Variants in SKOR2 observed in about 807,000 individuals in gnomAD.
The protein encoded by SKOR2 is SKI family transcriptional corepressor 2.
Under a neutral mutation model 69.1 loss-of-function variants are expected in SKOR2, and 47 were observed. The ratio of observed to expected loss-of-function variants is 0.68; its 90% CI spans 0.54 to 0.87. The LOEUF (loss-of-function observed/expected upper bound fraction) is 0.87. Ranked by LOEUF, SKOR2 falls within the 40% of genes least tolerant of loss-of-function variation. SKOR2 has a pLI of 0.00. For missense variants in SKOR2, 1,404 were observed against 1,472.2 expected, an observed-to-expected ratio of 0.95 and a Z score of 0.76; for synonymous variants, 717 against 672.6, an observed-to-expected ratio of 1.07 and a Z score of -1.02.
chr18:47,223,083 C>T (rs1428882903), intron 6 of SKOR2, among the ~76,000 whole-genome samples: 1 of 151,930 alleles, frequency 6.6e-6, no homozygotes, highest in East Asian at 1.9e-4. Context: ...GATTAAACTC[C>T]CCAAACATAA....
chr18:47,225,920 CCA>C (rs1420197800), intron 6 of SKOR2, among the ~76,000 whole-genome samples: 1 of 152,088 alleles, frequency 6.6e-6, no homozygotes, highest in Non-Finnish European at 1.5e-5. Context: ...CTTAGATATA[CCA>C]TGATACACAG....
chr18:47,245,421 A>C (rs1303333249), intron 3 of SKOR2, 77 bp downstream of exon 3: 3 of 1,308,684 alleles, frequency 2.3e-6, no homozygotes, highest in Non-Finnish European at 3.0e-6. Context: ...GTAGGTGAGG[A>C]GGCTGGGCAT....
rs141162442 is a variant in SKOR2, at chr18:47,247,705, C to G, written c.1479G>C (p.Ser493=). 5 of 1,363,054 alleles carry G rather than the reference C, an allele frequency of 3.7e-6. No individual in the cohort carries two copies. In the South Asian group the frequency reaches 7.1e-5, roughly 19 times the overall value. 84.4% of individuals were successfully genotyped at this position (1,363,054 alleles called of 1,614,324 possible). A position where few individuals can be genotyped will look rare whatever the true frequency, so the allele number is the denominator to read the frequency against. ...TTTCGCCTAGCGCGCAGCCTAGCGC[C>G]GAGGGCGGCTGAGGCGGGGGCTGCA... ...TYLQPPPQPP[S]ALGCALGESP... is the part of the protein sequence containing the mutation. The change falls in exon 2 of 9, where the codon TCG becomes TCC. Residue 493 remains serine (S), a synonymous_variant. Coordinates refer to ENST00000425639, the MANE Select transcript of SKOR2 (RefSeq NM_001278063.4). This position sits in a 1 kb window ranked among gnomAD's most constrained non-coding sequence, Gnocchi z 6.6.
intron 4 of SKOR2, among the ~76,000 whole-genome samples, chr18:47,236,163 A>G (rs1012567624): frequency 2.6e-5 from 4 of 151,598 alleles, no homozygotes; most frequent in African/African-American, 4.9e-5. Context: ...TTTTTTCTGT[A>G]TTTTTTTTGT....
rs556360473 is a variant in SKOR2 at position 47,248,066 on chromosome 18, C to T, written c.1118G>A (p.Gly373Glu). The change falls in exon 2 of 9, where the codon GGG becomes GAG. Residue 373 changes from glycine to glutamate, a missense_variant. Gly to Glu is a moderately conservative substitution (Grantham distance 98). Coordinates refer to ENST00000425639, the MANE Select transcript of SKOR2 (RefSeq NM_001278063.4). The surrounding 1 kb of genome is among the most constrained non-coding windows in gnomAD (Gnocchi z 6.4). ...GAGAGAGAGA[G>E]AKGPRSYPVI... ...TGGGTAGCTGCGCGGGCCTTTGGCC[C>T]CTGCCCCGGCACCCGCCCCCGCGCC... 201 of 1,412,576 alleles carry T rather than the reference C, an allele frequency of 1.4e-4. 1 individual carries two copies. In the African/African-American group the frequency reaches 2.8e-3, roughly 20 times the overall value. 87.5% of individuals were successfully genotyped at this position (1,412,576 alleles called of 1,614,324 possible).
intron 3 of SKOR2, 65 bp from the exon 4 acceptor site, chr18:47,245,047 A>AG: frequency 7.1e-7 from 1 of 1,407,136 alleles, no homozygotes; most frequent in South Asian, 1.3e-5. Flanking sequence ...ACAAAGATCC[A>AG]ATTTTTTTTT....
At chr18:47,210,046 C>G (rs1051299064) in intron 8 of SKOR2, among the ~76,000 whole-genome samples, 1 of 152,190 alleles carries the variant, frequency 6.6e-6, no homozygotes, top group Non-Finnish European at 1.5e-5. Context: ...CACTGCAACT[C>G]CAGTCTGGGT....
chr18:47,232,160 T>TA (rs1212371215), intron 4 of SKOR2, among the ~76,000 whole-genome samples: 6 of 151,002 alleles, frequency 4.0e-5, no homozygotes, highest in East Asian at 1.9e-4. Context: ...AAATAAAAAG[T>TA]AAAAAAAAAT....
chr18:47,235,149 C>T (rs1262986826), intron 4 of SKOR2, among the ~76,000 whole-genome samples: 1 of 152,054 alleles, frequency 6.6e-6, no homozygotes, highest in Non-Finnish European at 1.5e-5. Flanking sequence ...GTGCTTGAAC[C>T]CAGGAGTTTG....
Position 47,245,515 on chromosome 18 carries a change from T to C in SKOR2, c.2660A>G (p.Asp887Gly). 1 of 1,170,146 alleles carries C rather than the reference T, an allele frequency of 8.5e-7. No individual in the cohort carries two copies. Among genetic ancestry groups the C allele is most frequent in the South Asian group, 1.5e-5 (1 of 68,038 alleles). The allele number at this position is 1,170,146 out of a possible 1,614,324, so 72.5% of individuals were successfully genotyped here. A position where few individuals can be genotyped will look rare whatever the true frequency, so the allele number is the denominator to read the frequency against. ...ENNQVIVSTK[D>G]DNSFSDKNKE... ...TTTTTTACCTGAAAAGCTGTTGTCATCCTTTGTAGATACAATTACTTGGTT... is the reference window on the plus strand; with the variant it reads ...TTTTTTACCTGAAAAGCTGTTGTCACCCTTTGTAGATACAATTACTTGGTT... The change falls in exon 3 of 9, where the codon GAT becomes GGT. Residue 887 changes from aspartate to glycine, a missense_variant. By Grantham distance (94) the Asp-to-Gly change is moderately conservative (BLOSUM62 -1). This residue lies in a region of SKOR2 where 1,266 missense variants were observed against 1,309.9 expected (regional missense o/e 0.97). Coordinates refer to ENST00000425639, the MANE Select transcript of SKOR2 (RefSeq NM_001278063.4).
In SKOR2 at chr18:47,248,691, T is replaced by G. The variant is rs755762118; in HGVS notation, c.493A>C (p.Asn165His). 3.1e-5 allele frequency: 48 copies of G among 1,564,254 alleles called. No individual in the cohort carries two copies. The highest frequency in any genetic ancestry group is 3.9e-5 in the Non-Finnish European group (45 of 1,161,176). The change falls in exon 2 of 9, where the codon AAC becomes CAC. Residue 165 changes from asparagine (N) to histidine (H), a missense_variant. Physicochemically the swap from Asn to His is moderately conservative, Grantham distance 68. This residue lies in a region of SKOR2 where 1,266 missense variants were observed against 1,309.9 expected (regional missense o/e 0.97). Transcript: ENST00000425639. This position sits in a 1 kb window ranked among gnomAD's most constrained non-coding sequence, Gnocchi z 6.4. Reference protein sequence around the residue: ...CRGSFIPARYNSSRAKCIKCS... With the variant: ...CRGSFIPARYHSSRAKCIKCS... ...TTGATGCACTTGGCGCGCGAGCTGTTGTAGCGCGCGGGAATGAAGCTGCCG... is the reference window on the plus strand; with the variant it reads ...TTGATGCACTTGGCGCGCGAGCTGTGGTAGCGCGCGGGAATGAAGCTGCCG...
intron 8 of SKOR2, among the ~76,000 whole-genome samples, chr18:47,207,298 T>A (rs2064115982): frequency 6.6e-6 from 1 of 152,170 alleles, no homozygotes; most frequent in Middle Eastern, 3.2e-3. Flanking sequence ...TCAAAATCAA[T>A]AAAATGATTG....
intron 7 of SKOR2, among the ~76,000 whole-genome samples, chr18:47,216,770 C>T (rs1466241667): frequency 1.3e-5 from 2 of 152,054 alleles, no homozygotes; most frequent in Non-Finnish European, 2.9e-5. Context: ...TTCTCCTTGA[C>T]TGCAAGATAG....
At chr18:47,229,983 G>T (rs553447139) in intron 6 of SKOR2, among the ~76,000 whole-genome samples, 1 of 152,118 alleles carries the variant, frequency 6.6e-6, no homozygotes, top group Non-Finnish European at 1.5e-5. Flanking sequence ...AAAATAGATT[G>T]TGTATACTGA....
At position 47,245,548 on chromosome 18, in the gene SKOR2, T is replaced by C. The variant is rs1337936745; in HGVS notation, c.2627A>G (p.Lys876Arg). Residue 876 changes from lysine (K) to arginine (R), a missense_variant, in exon 3 of 9, where the codon AAG becomes AGG. Physicochemically the swap from Lys to Arg is conservative, Grantham distance 26 (BLOSUM62 2). Coordinates refer to ENST00000425639, the MANE Select transcript of SKOR2 (RefSeq NM_001278063.4). Reference sequence around the variant, plus strand: ...AGATACAATTACTTGGTTATTTTCCTTAGTTTTCTGACTCTGTGTGGAAAA... The same window carrying C: ...AGATACAATTACTTGGTTATTTTCCCTAGTTTTCTGACTCTGTGTGGAAAA... ...QPSYKDSQKT[K>R]ENNQVIVSTK... is the part of the protein sequence containing the mutation. 1 of 1,516,046 alleles carries C rather than the reference T, an allele frequency of 6.6e-7. No homozygotes were observed. The highest frequency in any genetic ancestry group is 8.8e-7 in the Non-Finnish European group (1 of 1,139,006). 93.9% of individuals were successfully genotyped at this position (1,516,046 alleles called of 1,614,324 possible). A position where few individuals can be genotyped will look rare whatever the true frequency, so the allele number is the denominator to read the frequency against.
intron 4 of SKOR2, among the ~76,000 whole-genome samples, chr18:47,241,971 G>T (rs1329255555): frequency 6.6e-6 from 1 of 152,110 alleles, no homozygotes; most frequent in East Asian, 1.9e-4. Flanking sequence ...ACTATTGACC[G>T]CACTGCCCTG....
intron 8 of SKOR2, among the ~76,000 whole-genome samples, chr18:47,211,213 T>C (rs1335467375): frequency 6.6e-6 from 1 of 151,780 alleles, no homozygotes; most frequent in Non-Finnish European, 1.5e-5. Context: ...AGGGGAGGAG[T>C]GGGAAGAGTC....
At chr18:47,243,183 A>AC (rs1403289510) in intron 4 of SKOR2, among the ~76,000 whole-genome samples, 1 of 152,132 alleles carries the variant, frequency 6.6e-6, no homozygotes, top group East Asian at 1.9e-4. Flanking sequence ...TACAAGACAG[A>AC]CCTAGCAAAG....
intron 4 of SKOR2, among the ~76,000 whole-genome samples, chr18:47,239,901 T>A (rs1432369459): frequency 6.6e-6 from 1 of 152,206 alleles, no homozygotes; most frequent in African/African-American, 2.4e-5. Flanking sequence ...AGGGTTTACC[T>A]AATGTCACCT....
Sources: allele counts gnomAD v4.1 joint callset (sites outside exome capture counted in the v4.1 genomes callset), GRCh38; gene constraint gnomAD v4.1.1; regional missense constraint gnomAD v4.1.1; non-coding constraint Gnocchi (gnomAD v3.1); transcripts MANE v1.5; gene names NCBI Gene and HGNC (gene_info 2026-07-23, HGNC 2026-07-21).